The following PTK2B variants were observed in gnomAD, a reference collection of about 807,000 sequenced individuals.
The protein encoded by PTK2B is protein tyrosine kinase 2 beta.
Under a neutral mutation model 142.9 loss-of-function variants are expected in PTK2B, and 71 were observed. The observed-to-expected ratio is 0.50, with a 90% CI of 0.41 to 0.61. The LOEUF is 0.61. Ranked by LOEUF, PTK2B falls within the 20% of genes least tolerant of loss-of-function variation. PTK2B has a pLI of 0.00. For synonymous variants in PTK2B, 519 were observed against 503.4 expected, an observed-to-expected ratio of 1.03 and a Z score of -0.42; for missense variants, 1,105 against 1,320.4, an observed-to-expected ratio of 0.84 and a Z score of 2.53.
chr8:27,371,562 T>TATA (rs1806362372), intron 1 of PTK2B, among the ~76,000 whole-genome samples: 1 of 150,694 alleles, frequency 6.6e-6, no homozygotes. Context: ...TATATATATA[T>TATA]TTTGAGACAG....
Position 27,397,636 on chromosome 8 carries a change from C to T in PTK2B, c.52C>T (p.Arg18Trp), listed in dbSNP as rs372930124. 1.2e-5 allele frequency: 20 copies of T among 1,614,078 alleles called. No homozygotes were observed. Among genetic ancestry groups the T allele is most frequent in the South Asian group, 8.8e-5 (8 of 91,086 alleles). ...LSRVKLGTLR[R>W]PEGPAEPMVV... Reference sequence around the variant, plus strand: ...TCGAGTAAAGTTGGGCACGTTACGCCGGCCTGAAGGCCCTGCAGAGCCCAT... The same window carrying T: ...TCGAGTAAAGTTGGGCACGTTACGCTGGCCTGAAGGCCCTGCAGAGCCCAT... Residue 18 changes from arginine to tryptophan, a missense_variant, in exon 2 of 31, where the codon CGG becomes TGG. Arg to Trp is a moderately radical substitution (Grantham distance 101, BLOSUM62 -3). Transcript: ENST00000346049.
At chr8:27,373,972 G>T (rs1262942701) in intron 1 of PTK2B, among the ~76,000 whole-genome samples, 2 of 151,752 alleles carry the variant, frequency 1.3e-5, no homozygotes, top group Non-Finnish European at 2.9e-5. Context: ...AAGGAGGAGG[G>T]ATCGAACCAA....
intron 28 of PTK2B, among the ~76,000 whole-genome samples, chr8:27,453,438 G>A (rs1394975079): frequency 6.6e-6 from 1 of 152,208 alleles, no homozygotes; most frequent in East Asian, 1.9e-4. Context: ...GGAAAGTGGT[G>A]TGGGCTGCTT....
At chr8:27,322,076 G>C (rs537194444), upstream of PTK2B, among the ~76,000 whole-genome samples, 3 of 151,612 alleles carry the variant, frequency 2.0e-5, no homozygotes, top group African/African-American at 7.3e-5. Flanking sequence ...TGTAACCTCT[G>C]CCTCCCAGGT....
chr8:27,411,394 C>G (rs1809055579), intron 2 of PTK2B, among the ~76,000 whole-genome samples: 2 of 152,180 alleles, frequency 1.3e-5, no homozygotes, highest in South Asian at 4.1e-4. Flanking sequence ...TGAATTCACA[C>G]CATACCTTTC....
intron 1 of PTK2B, chr8:27,397,303 C>G (rs936591345): frequency 6.3e-6 from 3 of 474,226 alleles, no homozygotes; most frequent in Admixed American, 3.5e-5. Context: ...TTCCAGGAGA[C>G]AGAGCTCATA....
chr8:27,451,581 G>A lies in PTK2B; in HGVS notation c.2548+72G>A, dbSNP rs377095964. 472 of 1,610,728 alleles carry A rather than the reference G, an allele frequency of 2.9e-4. No individual in the cohort carries two copies. The African/African-American group carries it at 4.3e-3, about 15-fold the overall frequency. ...TGCAGAGCCACCATCCTTGCCCACC[G>A]CCCAGGGCAGGGAGCAGCGGAGTCT... On this transcript the variant is annotated intron_variant, in intron 27 of 30. Coordinates refer to ENST00000346049, the MANE Select transcript of PTK2B (RefSeq NM_173176.3).
Position 27,441,575 on chromosome 8 carries a change from C to T in PTK2B, c.2039+1134C>T, listed in dbSNP as rs933224618. 1.8e-4 allele frequency among the ~76,000 whole-genome samples: 28 copies of T among 152,300 alleles called. No individual in the cohort carries two copies. The South Asian group carries it at 1.9e-3, about 10-fold the overall frequency. On this transcript the variant is annotated intron_variant, in intron 21 of 30. Transcript: ENST00000346049. ...CAGGGGATGCCAGCAATGCCCAGGCCAGGGGCACTGAGGGTGACCCTGCAT... is the reference window on the plus strand; with the variant it reads ...CAGGGGATGCCAGCAATGCCCAGGCTAGGGGCACTGAGGGTGACCCTGCAT...
At chr8:27,361,103 T>C (rs1805674260) in intron 1 of PTK2B, among the ~76,000 whole-genome samples, 1 of 152,252 alleles carries the variant, frequency 6.6e-6, no homozygotes, top group African/African-American at 2.4e-5. Context: ...AATAATTTCC[T>C]ATCCCTCACC....
chr8:27,346,929 C>T (rs1804745904), intron 1 of PTK2B, among the ~76,000 whole-genome samples: 1 of 152,196 alleles, frequency 6.6e-6, no homozygotes, highest in Admixed American at 6.5e-5. Flanking sequence ...AGTTTGACAG[C>T]CCTCAGTGAT....
At chr8:27,378,710 T>C (rs1806828927) in intron 1 of PTK2B, among the ~76,000 whole-genome samples, 1 of 151,908 alleles carries the variant, frequency 6.6e-6, no homozygotes, top group Non-Finnish European at 1.5e-5. Context: ...TGGTTCCTTC[T>C]GGGGCTCCTG....
At position 27,454,603 on chromosome 8, in the gene PTK2B, C is replaced by T. The variant is rs146212589; in HGVS notation, c.2806C>T (p.Arg936Trp). Reference sequence around the variant, plus strand: ...CCTGCCTTCCTTGCCGTCATCTTCACGGACAGAGGTGAGCGTCCCATTCCA... The same window carrying T: ...CCTGCCTTCCTTGCCGTCATCTTCATGGACAGAGGTGAGCGTCCCATTCCA... ...DLLPSLPSSSRTEIEGTQKLL... is the reference protein window; with the variant it reads ...DLLPSLPSSSWTEIEGTQKLL... Residue 936 changes from arginine (R) to tryptophan (W), a missense_variant, in exon 30 of 31, where the codon CGG (arginine) becomes TGG (tryptophan). Arg to Trp is a moderately radical substitution (Grantham distance 101). Transcript: ENST00000346049. 105 of 1,613,916 alleles carry T rather than the reference C, an allele frequency of 6.5e-5. No individual in the cohort carries two copies. Among genetic ancestry groups the T allele is most frequent in the Non-Finnish European group, 7.4e-5 (87 of 1,179,934 alleles).
intron 1 of PTK2B, among the ~76,000 whole-genome samples, chr8:27,328,575 T>C (rs1563462340): frequency 6.6e-6 from 1 of 152,240 alleles, no homozygotes; most frequent in African/African-American, 2.4e-5. Context: ...TTGGATTGTT[T>C]GCCCAGGTGG....
chr8:27,450,598 A>G (rs929967680), intron 24 of PTK2B, 151 bp from the exon 25 acceptor site: 3 of 942,570 alleles, frequency 3.2e-6, no homozygotes, highest in African/African-American at 3.3e-5. Flanking sequence ...CTGCACATAT[A>G]GCTCTGGGTT....
rs1271052609 is a variant in PTK2B at position 27,442,151 on chromosome 8, T to C, written c.2040-724T>C. On this transcript the variant is annotated intron_variant, in intron 21 of 30. Transcript: ENST00000346049. ...GAGTGTCTCTGTGTAACAATAGTTA[T>C]ATTTTAAAAATCTTTTGCTGAACAA... Among the ~76,000 whole-genome samples, 5 of 152,250 alleles carry C rather than the reference T, an allele frequency of 3.3e-5. No homozygotes were observed. The East Asian group carries it at 5.8e-4, about 18-fold the overall frequency.
intron 1 of PTK2B, among the ~76,000 whole-genome samples, chr8:27,348,334 T>C: frequency 6.6e-6 from 1 of 152,202 alleles, no homozygotes; most frequent in Admixed American, 6.5e-5. Context: ...CCCTGTTTCC[T>C]CTGCATGACA....
chr8:27,372,743 G>A (rs960743781), intron 1 of PTK2B, among the ~76,000 whole-genome samples: 4 of 152,148 alleles, frequency 2.6e-5, no homozygotes, highest in Admixed American at 1.3e-4. Context: ...GGCTGTGCTG[G>A]CAACCACCCT....
At position 27,410,141 on chromosome 8, in the gene PTK2B, T is replaced by G. The variant is rs531795685; in HGVS notation, c.205-9754T>G. Among the ~76,000 whole-genome samples the G allele has an allele frequency of 2.6e-4, 39 of 152,262 alleles. No individual in the cohort carries two copies. In the South Asian group the frequency reaches 8.1e-3, roughly 32 times the overall value. On this transcript the variant is annotated intron_variant, in intron 2 of 30. Transcript: ENST00000346049. ...TTTGAAAAGAGTAAGGAGGGTGAAT[T>G]GAATTAAGCCTGGGAAGCAGTTTGC... is the stretch of plus-strand genomic sequence containing the variant.
intron 7 of PTK2B, among the ~76,000 whole-genome samples, chr8:27,430,623 C>A (rs1360809933): frequency 6.6e-6 from 1 of 152,178 alleles, no homozygotes; most frequent in African/African-American, 2.4e-5. Context: ...GGCTCCGTAT[C>A]GAGGCCGTAT....
Sources: allele counts gnomAD v4.1 joint callset (sites outside exome capture counted in the v4.1 genomes callset), GRCh38; gene constraint gnomAD v4.1.1; transcripts MANE v1.5; gene names NCBI Gene and HGNC (gene_info 2026-07-23, HGNC 2026-07-21).